Variants in ARHGAP12 observed in about 807,000 individuals in gnomAD.
ARHGAP12 encodes rho GTPase-activating protein 12.
ARHGAP12 carries 64 observed loss-of-function variants against 108.6 expected under a neutral mutation model. The observed-to-expected ratio is 0.59, with a 90% CI of 0.48 to 0.73. The LOEUF (loss-of-function observed/expected upper bound fraction) is 0.73. Ranked by LOEUF, ARHGAP12 falls within the 30% of genes least tolerant of loss-of-function variation. ARHGAP12 has a pLI of 0.00. For missense variants in ARHGAP12, 940 were observed against 1,005.9 expected (o/e 0.93, Z 0.89); for synonymous variants, 312 against 337.2 (o/e 0.93, Z 0.82).
chr10:31,907,010 C>CA (rs2132451448), intron 3 of ARHGAP12, among the ~76,000 whole-genome samples: 1 of 152,280 alleles, frequency 6.6e-6, no homozygotes, highest in African/African-American at 2.4e-5. Flanking sequence ...TCCTTGATCT[C>CA]AAACACTAGA....
At chr10:31,863,723 A>C (rs535743497) in intron 3 of ARHGAP12, among the ~76,000 whole-genome samples, 1 of 152,292 alleles carries the variant, frequency 6.6e-6, no homozygotes, top group Non-Finnish European at 1.5e-5. Flanking sequence ...AGATATTAAG[A>C]AAGTCTGTCT....
chr10:31,868,238 GA>G (rs1267078891), intron 3 of ARHGAP12, among the ~76,000 whole-genome samples: 10 of 145,848 alleles, frequency 6.9e-5, no homozygotes, highest in Admixed American at 6.8e-5. Context: ...GCAGGTCCAG[GA>G]AAAAAAAAAG....
intron 3 of ARHGAP12, among the ~76,000 whole-genome samples, chr10:31,902,465 C>T (rs187890356): frequency 9.2e-5 from 14 of 151,968 alleles, no homozygotes; most frequent in Non-Finnish European, 1.6e-4. Flanking sequence ...CACTTGAGGC[C>T]AGGGGTTCAA....
intron 3 of ARHGAP12, among the ~76,000 whole-genome samples, chr10:31,887,802 T>G (rs868570087): frequency 6.6e-6 from 1 of 151,786 alleles, no homozygotes; most frequent in African/African-American, 2.4e-5. Context: ...GGACTACAGG[T>G]GCCCACTACC....
At chr10:31,821,626 T>TCA (rs1407773121) in intron 11 of ARHGAP12, among the ~76,000 whole-genome samples, 1 of 152,220 alleles carries the variant, frequency 6.6e-6, no homozygotes, top group Admixed American at 6.5e-5. Context: ...TTCAGGAGCT[T>TCA]CACATTTAAA....
chr10:31,928,071 G>T (rs952035432), intron 1 of ARHGAP12, among the ~76,000 whole-genome samples: 1 of 152,192 alleles, frequency 6.6e-6, no homozygotes, highest in African/African-American at 2.4e-5. Flanking sequence ...GACGCCCCAG[G>T]TGGATTCCCC....
At position 31,814,381 on chromosome 10, in the gene ARHGAP12, C is replaced by G; in HGVS notation, c.1732-20G>C. 6.5e-7 allele frequency: 1 copy of G among 1,548,340 alleles called. No homozygotes were observed. Among genetic ancestry groups the G allele is most frequent in the Non-Finnish European group, 8.9e-7 (1 of 1,120,592 alleles). On this transcript the variant is annotated intron_variant, in intron 13 of 19. Coordinates refer to ENST00000344936, the MANE Select transcript of ARHGAP12 (RefSeq NM_018287.7). Reference sequence around the variant, plus strand: ...TACTGCCTATTGGTTAGATATTTCCCAAACACATATTACACTTCTAGTATT... The same window carrying G: ...TACTGCCTATTGGTTAGATATTTCCGAAACACATATTACACTTCTAGTATT...
intron 6 of ARHGAP12, among the ~76,000 whole-genome samples, chr10:31,846,135 T>C (rs1031240932): frequency 1.3e-5 from 2 of 151,450 alleles, no homozygotes; most frequent in Admixed American, 6.6e-5. Context: ...AGTGGAATAA[T>C]AGAAACCCTA....
chr10:31,924,129 C>A (rs759246664), intron 1 of ARHGAP12, among the ~76,000 whole-genome samples: 20 of 152,086 alleles, frequency 1.3e-4, no homozygotes, highest in Non-Finnish European at 2.4e-4. Context: ...ACAACCACTG[C>A]GGAAAATAAT....
chr10:31,818,064 A>G (rs926434109), intron 12 of ARHGAP12, among the ~76,000 whole-genome samples, 178 bp from the exon 13 acceptor site: 27 of 152,230 alleles, frequency 1.8e-4, no homozygotes, highest in Middle Eastern at 3.2e-3. Flanking sequence ...GTTTACAATA[A>G]TATCAGTTGA....
At chr10:31,837,245 G>A (rs991852361) in intron 9 of ARHGAP12, among the ~76,000 whole-genome samples, 4 of 152,278 alleles carry the variant, frequency 2.6e-5, no homozygotes, top group African/African-American at 9.6e-5. Flanking sequence ...TTTTCTAGAT[G>A]GACAGATTAA....
At chr10:31,830,537 T>A (rs968267110) in intron 10 of ARHGAP12, among the ~76,000 whole-genome samples, 2 of 152,048 alleles carry the variant, frequency 1.3e-5, no homozygotes, top group East Asian at 1.9e-4. Flanking sequence ...GGATACATAA[T>A]TGTAGTATTT....
chr10:31,861,679 A>T (rs1167116004), intron 3 of ARHGAP12, 21 bp from the exon 4 acceptor site: 1 of 1,563,472 alleles, frequency 6.4e-7, no homozygotes, highest in African/African-American at 1.4e-5. Context: ...AACATTTTTA[A>T]ATTTCATGTT....
At chr10:31,854,230 G>A (rs1836803871) in intron 4 of ARHGAP12, 24 bp from the exon 5 acceptor site, 2 of 1,571,064 alleles carry the variant, frequency 1.3e-6, no homozygotes, top group South Asian at 2.4e-5. Context: ...GAAACATAAG[G>A]ATTTTTCTTT....
chr10:31,842,484 T>C (rs998120962), intron 7 of ARHGAP12, among the ~76,000 whole-genome samples: 1 of 152,146 alleles, frequency 6.6e-6, no homozygotes, highest in Admixed American at 6.6e-5. Context: ...GTTACTTTCG[T>C]TGTTTTCTAT....
At chr10:31,849,851 TCTC>T (rs1201775446) in intron 6 of ARHGAP12, among the ~76,000 whole-genome samples, 1 of 152,154 alleles carries the variant, frequency 6.6e-6, no homozygotes, top group Admixed American at 6.5e-5. Flanking sequence ...GTCTCTTGCC[TCTC>T]CTCTTTTTTT....
intron 3 of ARHGAP12, among the ~76,000 whole-genome samples, chr10:31,871,268 T>C (rs906106162): frequency 6.6e-6 from 1 of 152,230 alleles, no homozygotes; most frequent in Admixed American, 6.5e-5. Flanking sequence ...ACACTACTGA[T>C]AACTAAGTGA....
At chr10:31,903,378 A>T (rs1839004393) in intron 3 of ARHGAP12, among the ~76,000 whole-genome samples, 1 of 152,174 alleles carries the variant, frequency 6.6e-6, no homozygotes, top group Non-Finnish European at 1.5e-5. Context: ...GCAGTCCATC[A>T]TTGACTGAAA....
intron 3 of ARHGAP12, among the ~76,000 whole-genome samples, chr10:31,892,361 G>A (rs1253744775): frequency 6.6e-6 from 1 of 152,072 alleles, no homozygotes; most frequent in African/African-American, 2.4e-5. Flanking sequence ...GTATTCAGGA[G>A]ACCCAACTCA....
Sources: allele counts gnomAD v4.1 joint callset (sites outside exome capture counted in the v4.1 genomes callset), GRCh38; gene constraint gnomAD v4.1.1; transcripts MANE v1.5; gene names NCBI Gene and HGNC (gene_info 2026-07-23, HGNC 2026-07-21).